SLC24A3: variants seen among roughly 807,000 people sequenced by gnomAD.
The protein encoded by SLC24A3 is sodium/potassium/calcium exchanger 3.
Under a neutral mutation model 75.8 loss-of-function variants are expected in SLC24A3, and 28 were observed. The ratio of observed to expected loss-of-function variants is 0.37; its 90% CI spans 0.27 to 0.51. The LOEUF (loss-of-function observed/expected upper bound fraction) is 0.51, where lower values mean the gene tolerates loss of function less well. SLC24A3 is among the 20% of genes least tolerant of loss of function. The pLI is 0.94. For missense variants in SLC24A3, 663 were observed against 847.8 expected (o/e 0.78, Z 2.71); for synonymous variants, 372 against 334.1 (o/e 1.11, Z -1.24).
intron 2 of SLC24A3, among the ~76,000 whole-genome samples, chr20:19,475,591 A>G (rs1205434155): frequency 6.6e-6 from 1 of 152,236 alleles, no homozygotes; most frequent in Non-Finnish European, 1.5e-5. Context: ...GGACATGACC[A>G]GTTAGAAGAT....
intron 2 of SLC24A3, among the ~76,000 whole-genome samples, chr20:19,440,168 G>A (rs3790205): frequency 0.043 from 6,587 of 152,220 alleles, 475 homozygotes; most frequent in East Asian, 0.33. Context: ...AACTTATTTC[G>A]AAGCTCAGAG....
chr20:19,234,170 G>A (rs1420395040), intron 1 of SLC24A3, among the ~76,000 whole-genome samples: 4 of 152,162 alleles, frequency 2.6e-5, no homozygotes, highest in Non-Finnish European at 5.9e-5. Context: ...GTATAAACCC[G>A]TGTTTTTCAA....
At chr20:19,582,845 G>C (rs1410327335) in intron 4 of SLC24A3, among the ~76,000 whole-genome samples, 6 of 152,222 alleles carry the variant, frequency 3.9e-5, no homozygotes, top group African/African-American at 1.4e-4. Context: ...GCATCCCCAA[G>C]GACCATGAGG....
chr20:19,387,017 T>A (rs1409244951), intron 2 of SLC24A3, among the ~76,000 whole-genome samples: 1 of 152,184 alleles, frequency 6.6e-6, no homozygotes, highest in Non-Finnish European at 1.5e-5. Context: ...TGATTCAATC[T>A]CCTTACTCGT....
chr20:19,514,238 C>A (rs755391064), intron 2 of SLC24A3, among the ~76,000 whole-genome samples: 9 of 152,230 alleles, frequency 5.9e-5, no homozygotes, highest in Non-Finnish European at 1.3e-4. Flanking sequence ...CACTCCTTAG[C>A]AGCACTGTCT....
chr20:19,678,539 G>A (rs1375994598), intron 9 of SLC24A3, among the ~76,000 whole-genome samples: 55 of 141,714 alleles, frequency 3.9e-4, no homozygotes, highest in African/African-American at 1.3e-3. Flanking sequence ...CCTCCCGGAC[G>A]GGGCGGCTGG....
Position 19,217,408 on chromosome 20 carries a change from C to CAT in SLC24A3, c.142+4427_142+4428dup, listed in dbSNP as rs201028514. Reference sequence around the variant, plus strand: ...CCCAAGGTGGCTAAGGTGAATGCCACATATGCATACATACAAACATATATA... The same window carrying CAT: ...CCCAAGGTGGCTAAGGTGAATGCCACATATATGCATACATACAAACATATATA... On this transcript the variant is annotated intron_variant, in intron 1 of 16. Coordinates refer to ENST00000328041, the MANE Select transcript of SLC24A3 (RefSeq NM_020689.4). 5.5e-3 allele frequency among the ~76,000 whole-genome samples: 839 copies of CAT among 152,304 alleles called. 8 individuals are homozygous for CAT. Among genetic ancestry groups the CAT allele is most frequent in the African/African-American group, 0.018 (744 of 41,566 alleles).
At chr20:19,340,453 C>T (rs138589702) in intron 2 of SLC24A3, among the ~76,000 whole-genome samples, 51 of 152,316 alleles carry the variant, frequency 3.3e-4, no homozygotes, top group African/African-American at 8.9e-4. Flanking sequence ...TCAGAGAATA[C>T]GTTTCCATGG....
intron 2 of SLC24A3, among the ~76,000 whole-genome samples, chr20:19,281,903 G>A (rs951061457): frequency 1.5e-4 from 23 of 152,134 alleles, no homozygotes; most frequent in African/African-American, 3.1e-4. Context: ...CAAAACAGGC[G>A]GTGGGATGGA....
chr20:19,346,245 TGTATATATATATG>T (rs1269309365), intron 2 of SLC24A3, among the ~76,000 whole-genome samples: 1 of 103,538 alleles, frequency 9.7e-6, no homozygotes, highest in Non-Finnish European at 1.8e-5. Flanking sequence ...ATATATATGG[TGTATATATATATG>T]GTATATATAT....
chr20:19,708,946 T>C (rs17296567), intron 15 of SLC24A3, among the ~76,000 whole-genome samples: 12,190 of 152,162 alleles, frequency 0.08, 507 homozygotes, highest in Admixed American at 0.12. Flanking sequence ...TTCATCACAG[T>C]TTAGGTCCCT....
chr20:19,582,569 G>T (rs1265674154), intron 4 of SLC24A3, among the ~76,000 whole-genome samples: 1 of 152,210 alleles, frequency 6.6e-6, no homozygotes, highest in Non-Finnish European at 1.5e-5. Flanking sequence ...CTGGGGTCAG[G>T]CAGGCCCTGG....
intron 2 of SLC24A3, among the ~76,000 whole-genome samples, chr20:19,496,362 A>G (rs1988287432): frequency 6.6e-6 from 1 of 152,202 alleles, no homozygotes; most frequent in Non-Finnish European, 1.5e-5. Flanking sequence ...AGTGATGTGC[A>G]TGGTTCACTC....
In SLC24A3 at chr20:19,314,179, A is replaced by G. The variant is rs541645246; in HGVS notation, c.271+33092A>G. 3.3e-5 allele frequency among the ~76,000 whole-genome samples: 5 copies of G among 152,304 alleles called. No homozygotes were observed. The East Asian group carries it at 9.6e-4, about 29-fold the overall frequency. Reference sequence around the variant, plus strand: ...GCTGTAAGGTCCCAGGCCTGCAGACAGGTGTTCTTCCAAGGGCCAATATTT... The same window carrying G: ...GCTGTAAGGTCCCAGGCCTGCAGACGGGTGTTCTTCCAAGGGCCAATATTT... On this transcript the variant is annotated intron_variant, in intron 2 of 16. Coordinates refer to ENST00000328041, the MANE Select transcript of SLC24A3 (RefSeq NM_020689.4).
intron 2 of SLC24A3, among the ~76,000 whole-genome samples, chr20:19,434,382 G>A (rs1405994401): frequency 6.6e-6 from 1 of 152,212 alleles, no homozygotes; most frequent in African/African-American, 2.4e-5. Context: ...ATCACCTTGA[G>A]TCTGAGCACA....
At chr20:19,372,751 G>C (rs1254808568) in intron 2 of SLC24A3, among the ~76,000 whole-genome samples, 1 of 152,000 alleles carries the variant, frequency 6.6e-6, no homozygotes, top group African/African-American at 2.4e-5. Flanking sequence ...GGGTCCCCAG[G>C]GAAAAACAGA....
intron 2 of SLC24A3, among the ~76,000 whole-genome samples, chr20:19,381,986 C>T (rs967682129): frequency 6.6e-6 from 1 of 152,170 alleles, no homozygotes; most frequent in Non-Finnish European, 1.5e-5. Context: ...AATGGAGCCA[C>T]TCAAATGGCA....
chr20:19,558,623 G>A (rs1396474718), intron 3 of SLC24A3, among the ~76,000 whole-genome samples: 1 of 152,108 alleles, frequency 6.6e-6, no homozygotes, highest in Non-Finnish European at 1.5e-5. Context: ...GCTTGGGCCA[G>A]TTTAAGTTTG....
At chr20:19,276,872 C>T (rs946675128) in intron 1 of SLC24A3, among the ~76,000 whole-genome samples, 1 of 151,480 alleles carries the variant, frequency 6.6e-6, no homozygotes, top group Non-Finnish European at 1.5e-5. Flanking sequence ...CCTGCCTGGG[C>T]AACAGAGCCA....
Sources: allele counts gnomAD v4.1 joint callset (sites outside exome capture counted in the v4.1 genomes callset), GRCh38; gene constraint gnomAD v4.1.1; transcripts MANE v1.5; gene names NCBI Gene and HGNC (gene_info 2026-07-23, HGNC 2026-07-21).